The following GALNTL6 variants were observed in gnomAD, a reference collection of about 807,000 sequenced individuals.
GALNTL6 encodes polypeptide N-acetylgalactosaminyltransferase-like 6.
In GALNTL6, 46 loss-of-function variants were observed where a neutral mutation model predicts 73.7. That is an observed-to-expected ratio of 0.62 (90% CI 0.49 to 0.80). The LOEUF (loss-of-function observed/expected upper bound fraction) is 0.80. GALNTL6 is among the 30% of genes least tolerant of loss of function. The pLI is 0.00. For missense variants in GALNTL6, 604 were observed against 755.0 expected, an observed-to-expected ratio of 0.80 and a Z score of 2.34; for synonymous variants, 259 against 263.7, an observed-to-expected ratio of 0.98 and a Z score of 0.17.
intron 5 of GALNTL6, among the ~76,000 whole-genome samples, chr4:172,444,610 G>C (rs1731952154): frequency 6.6e-6 from 1 of 152,180 alleles, no homozygotes; most frequent in African/African-American, 2.4e-5. Context: ...TTTTTCAAAA[G>C]TTGCTGTGCC....
chr4:171,819,381 G>A (rs906785908), intron 2 of GALNTL6, among the ~76,000 whole-genome samples: 1 of 152,132 alleles, frequency 6.6e-6, no homozygotes, highest in Non-Finnish European at 1.5e-5. Flanking sequence ...GTGAAACACA[G>A]TCTTCTGTTC....
Position 172,303,562 on chromosome 4 carries a change from T to C in GALNTL6, c.248-8052T>C, listed in dbSNP as rs182707261. On this transcript the variant is annotated intron_variant, in intron 3 of 12. Coordinates refer to ENST00000506823, the MANE Select transcript of GALNTL6 (RefSeq NM_001034845.3). The stretch of plus-strand genomic sequence containing the variant: ...CTGTTGCCTTTAAAAAAATAAATTG[T>C]ATTGTGTATATTTAAGGCTCACAAT... Among the ~76,000 whole-genome samples the C allele has an allele frequency of 1.8e-4, 28 of 152,322 alleles. No homozygotes were observed. In the East Asian group the frequency reaches 5.2e-3, roughly 28 times the overall value.
Position 172,033,159 on chromosome 4 carries a change from T to TAC in GALNTL6, c.139-196488_139-196487dup, listed in dbSNP as rs547530760. Among the ~76,000 whole-genome samples the TAC allele has an allele frequency of 5.6e-3, 842 of 151,276 alleles. 4 individuals are homozygous for TAC. The highest frequency in any genetic ancestry group is 0.015 in the African/African-American group (622 of 41,048). On this transcript the variant is annotated intron_variant, in intron 2 of 12. Transcript: ENST00000506823. Reference sequence around the variant, plus strand: ...CTAAAGCTGTTCCAAACAACTTTATTACACACACACGGAGAGAGAGAGAGA... The same window carrying TAC: ...CTAAAGCTGTTCCAAACAACTTTATTACACACACACACGGAGAGAGAGAGAGA...
chr4:172,184,763 C>G (rs965303491), intron 2 of GALNTL6, among the ~76,000 whole-genome samples: 2 of 152,124 alleles, frequency 1.3e-5, no homozygotes. Context: ...AATTCATTTC[C>G]TCACAATTCA....
chr4:172,747,790 T>C (rs545666350), intron 5 of GALNTL6, among the ~76,000 whole-genome samples: 33 of 151,900 alleles, frequency 2.2e-4, no homozygotes, highest in Admixed American at 1.8e-3. Flanking sequence ...GATTAACTTT[T>C]TTTTTAATGT....
chr4:171,839,249 T>C (rs1735181633), intron 2 of GALNTL6, among the ~76,000 whole-genome samples: 1 of 152,152 alleles, frequency 6.6e-6, no homozygotes, highest in Admixed American at 6.6e-5. Flanking sequence ...TAAAATCTGC[T>C]TTCTCAGAAT....
chr4:172,778,280 G>A lies in GALNTL6; in HGVS notation c.554-31081G>A, dbSNP rs565918372. Among the ~76,000 whole-genome samples, 24 of 152,310 alleles carry A rather than the reference G, an allele frequency of 1.6e-4. No individual in the cohort carries two copies. In the South Asian group the frequency reaches 4.6e-3, roughly 29 times the overall value. On this transcript the variant is annotated intron_variant, in intron 5 of 12. Transcript: ENST00000506823. ...ACATTCAAATGTGTACAAAGGATAG[G>A]TGGCCCAATGACATATTCCACACAA...
intron 5 of GALNTL6, among the ~76,000 whole-genome samples, chr4:172,720,578 A>G (rs1477797602): frequency 1.3e-5 from 2 of 152,220 alleles, no homozygotes; most frequent in Non-Finnish European, 2.9e-5. Flanking sequence ...TTTGTCCACA[A>G]GGATTTTTCC....
chr4:173,009,322 G>A (rs1288325999), intron 11 of GALNTL6, 28 bp downstream of exon 11: 13 of 1,316,502 alleles, frequency 9.9e-6, no homozygotes, highest in Non-Finnish European at 1.2e-5. Context: ...AGCCAGGGCA[G>A]TGGGAACCAG....
rs111952863 is a variant in GALNTL6 at position 173,032,819 on chromosome 4, A to ATTTT, written c.1639-7106_1639-7103dup. ...GCAGGCATCTAACACATCAGGATTG[A>ATTTT]TTTTTTTTTTTCATGATCCCGGCTG... On this transcript the variant is annotated intron_variant, in intron 12 of 12. Coordinates refer to ENST00000506823, the MANE Select transcript of GALNTL6 (RefSeq NM_001034845.3). 5.4e-5 allele frequency among the ~76,000 whole-genome samples: 8 copies of ATTTT among 149,142 alleles called. No homozygotes were observed. The South Asian group carries it at 8.5e-4, about 16-fold the overall frequency.
intron 8 of GALNTL6, among the ~76,000 whole-genome samples, chr4:172,909,147 A>C (rs950945989): frequency 2.0e-5 from 3 of 151,888 alleles, no homozygotes; most frequent in Admixed American, 2.0e-4. Context: ...AGTACAGAAC[A>C]ACTACCCATT....
chr4:172,138,665 G>A (rs894949481), intron 2 of GALNTL6, among the ~76,000 whole-genome samples: 5 of 147,938 alleles, frequency 3.4e-5, no homozygotes, highest in Non-Finnish European at 7.5e-5. Flanking sequence ...GAGTAGCTGC[G>A]ACTACAGGTG....
At chr4:172,251,183 A>G (rs1374138181) in intron 3 of GALNTL6, among the ~76,000 whole-genome samples, 2 of 152,144 alleles carry the variant, frequency 1.3e-5, no homozygotes, top group Non-Finnish European at 2.9e-5. Context: ...GGGAAGAGTT[A>G]CAGCTTGAGT....
intron 2 of GALNTL6, among the ~76,000 whole-genome samples, chr4:172,071,759 G>GCTCAGATTTCCCA: frequency 2.4e-5 from 1 of 41,308 alleles, no homozygotes; most frequent in Non-Finnish European, 5.9e-5. Flanking sequence ...CTCAAATGCA[G>GCTCAGATTTCCCA]GCGGAAGAGT....
intron 2 of GALNTL6, among the ~76,000 whole-genome samples, chr4:171,935,854 C>T (rs925547128): frequency 6.6e-6 from 1 of 152,040 alleles, no homozygotes; most frequent in African/African-American, 2.4e-5. Context: ...TGCTTTCTTG[C>T]TTGGGTAGGT....
At chr4:172,695,566 C>A (rs1301033768) in intron 5 of GALNTL6, among the ~76,000 whole-genome samples, 1 of 152,174 alleles carries the variant, frequency 6.6e-6, no homozygotes, top group African/African-American at 2.4e-5. Context: ...TTATTTTTAT[C>A]TCCCTGAGAT....
Position 172,006,786 on chromosome 4 carries a change from A to C in GALNTL6, c.138+192068A>C, listed in dbSNP as rs1464226281. Among the ~76,000 whole-genome samples, 12 of 152,184 alleles carry C rather than the reference A, an allele frequency of 7.9e-5. 1 individual carries two copies. In the East Asian group the frequency reaches 1.9e-3, roughly 25 times the overall value. On this transcript the variant is annotated intron_variant, in intron 2 of 12. Coordinates refer to ENST00000506823, the MANE Select transcript of GALNTL6 (RefSeq NM_001034845.3). ...GCTTTATGGCTAAGTTCATCACGGCATACATGATACTAAGACTTTCTGGAT... is the reference window on the plus strand; with the variant it reads ...GCTTTATGGCTAAGTTCATCACGGCCTACATGATACTAAGACTTTCTGGAT...
chr4:172,558,650 C>A (rs1031854082), intron 5 of GALNTL6, among the ~76,000 whole-genome samples: 1 of 151,976 alleles, frequency 6.6e-6, no homozygotes, highest in African/African-American at 2.4e-5. Context: ...TTTAAGCCAC[C>A]GAGTCTGTGC....
intron 10 of GALNTL6, among the ~76,000 whole-genome samples, chr4:172,960,459 C>T (rs1266814887): frequency 6.6e-6 from 1 of 151,836 alleles, no homozygotes. Flanking sequence ...CTCAGCCTGG[C>T]GAGGAGCAGC....
Sources: allele counts gnomAD v4.1 joint callset (sites outside exome capture counted in the v4.1 genomes callset), GRCh38; gene constraint gnomAD v4.1.1; transcripts MANE v1.5; gene names NCBI Gene and HGNC (gene_info 2026-07-23, HGNC 2026-07-21).